The following SRPK2 variants were observed in gnomAD, a reference collection of about 807,000 sequenced individuals.
The protein encoded by SRPK2 is SFRS protein kinase 2.
SRPK2 carries 21 observed loss-of-function variants against 90.8 expected under a neutral mutation model. The ratio of observed to expected loss-of-function variants is 0.23; its 90% CI spans 0.16 to 0.33. The LOEUF (loss-of-function observed/expected upper bound fraction) is 0.33, where lower values mean the gene tolerates loss of function less well. Ranked by LOEUF, SRPK2 falls within the 10% of genes least tolerant of loss-of-function variation. The pLI, the probability that SRPK2 is intolerant of heterozygous loss-of-function variation, is 1.00. For synonymous variants in SRPK2, 288 were observed against 311.1 expected, an observed-to-expected ratio of 0.93 and a Z score of 0.78; for missense variants, 620 against 869.0, an observed-to-expected ratio of 0.71 and a Z score of 3.60.
At chr7:105,170,823 AAGAG>A (rs1185087238) in intron 3 of SRPK2, among the ~76,000 whole-genome samples, 1 of 75,110 alleles carries the variant, frequency 1.3e-5, no homozygotes, top group Non-Finnish European at 2.6e-5. Context: ...GAGGGAGAGA[AAGAG>A]AAAGAAAGGA....
At chr7:105,125,129 C>CAAAAAAAAA (rs61616576) in intron 15 of SRPK2, among the ~76,000 whole-genome samples, 2 of 88,090 alleles carry the variant, frequency 2.3e-5, no homozygotes, top group Non-Finnish European at 4.2e-5. Context: ...GACTCCATCT[C>CAAAAAAAAA]AAAAAAAAAA....
intron 2 of SRPK2, among the ~76,000 whole-genome samples, chr7:105,341,688 G>A (rs562581002): frequency 6.6e-6 from 1 of 152,234 alleles, no homozygotes; most frequent in African/African-American, 2.4e-5. Flanking sequence ...AAAAACAGGG[G>A]ACGGGAGTGG....
At chr7:105,125,640 G>A (rs1038805698) in intron 15 of SRPK2, 4 of 349,138 alleles carry the variant, frequency 1.1e-5, no homozygotes, top group South Asian at 2.3e-5. Flanking sequence ...GATGGGTCAG[G>A]TTTATTTCTT....
chr7:105,182,442 T>TCC (rs142053317), intron 3 of SRPK2, among the ~76,000 whole-genome samples: 63 of 136,912 alleles, frequency 4.6e-4, no homozygotes, highest in African/African-American at 1.6e-3. Flanking sequence ...TGACTTTGTT[T>TCC]CCCCCCCCGC....
chr7:105,312,805 A>C (rs945388527), intron 2 of SRPK2, among the ~76,000 whole-genome samples: 3 of 152,148 alleles, frequency 2.0e-5, no homozygotes, highest in Non-Finnish European at 2.9e-5. Context: ...ATATGGGAAT[A>C]TTTATCTTTT....
chr7:105,164,801 C>G (rs1438748428), intron 6 of SRPK2, among the ~76,000 whole-genome samples: 1 of 152,090 alleles, frequency 6.6e-6, no homozygotes, highest in Non-Finnish European at 1.5e-5. Flanking sequence ...TGGGAAAAAG[C>G]CTTATCCTTA....
intron 2 of SRPK2, among the ~76,000 whole-genome samples, chr7:105,381,850 A>T (rs1370917759): frequency 6.6e-6 from 1 of 152,162 alleles, no homozygotes; most frequent in Non-Finnish European, 1.5e-5. Flanking sequence ...ATAAGGATAT[A>T]AACTTGTATC....
At position 105,116,975 on chromosome 7, in the gene SRPK2, T is replaced by C. The variant is rs1181923306; in HGVS notation, c.*863A>G. The stretch of plus-strand genomic sequence containing the variant: ...CAATTTAATCTATGTAGAGCTTAAC[T>C]TACAGCGCCCAGAGGAGGCAACATG... On this transcript the variant is annotated 3_prime_UTR_variant, in exon 16 of 16. Transcript: ENST00000393651. 6 of 152,222 alleles carry C rather than the reference T, an allele frequency of 3.9e-5. No individual in the cohort carries two copies. The highest frequency in any genetic ancestry group is 1.4e-4 in the African/African-American group (6 of 41,464). The allele number at this position is 152,222 out of a possible 1,614,324, so 9.4% of individuals were successfully genotyped here.
At chr7:105,275,176 G>C (rs1372233425) in intron 2 of SRPK2, among the ~76,000 whole-genome samples, 2 of 152,154 alleles carry the variant, frequency 1.3e-5, no homozygotes, top group African/African-American at 4.8e-5. Flanking sequence ...ATGAGCCACA[G>C]CACCCAGCCA....
chr7:105,126,381 C>A, intron 14 of SRPK2, 41 bp from the exon 15 acceptor site: 3 of 1,424,380 alleles, frequency 2.1e-6, no homozygotes, highest in Non-Finnish European at 3.0e-6. Context: ...ATGGGAGGGG[C>A]AAAGGGAAGG....
chr7:105,230,198 A>C (rs1799251846), intron 2 of SRPK2, among the ~76,000 whole-genome samples: 1 of 152,246 alleles, frequency 6.6e-6, no homozygotes, highest in Non-Finnish European at 1.5e-5. Flanking sequence ...AGAAAGGTAC[A>C]AATGAGAATG....
chr7:105,149,100 G>A (rs1019302731), intron 7 of SRPK2, among the ~76,000 whole-genome samples: 1 of 152,202 alleles, frequency 6.6e-6, no homozygotes, highest in Non-Finnish European at 1.5e-5. Context: ...GGTCTGTGCT[G>A]AGATGGATTA....
At chr7:105,334,484 G>C (rs551380978) in intron 2 of SRPK2, among the ~76,000 whole-genome samples, 7 of 149,996 alleles carry the variant, frequency 4.7e-5, no homozygotes, top group Non-Finnish European at 8.9e-5. Context: ...GTCTCCCAAA[G>C]TGCTGGGATT....
chr7:105,257,637 G>T (rs1803515890), intron 2 of SRPK2, among the ~76,000 whole-genome samples: 1 of 152,016 alleles, frequency 6.6e-6, no homozygotes, highest in Non-Finnish European at 1.5e-5. Context: ...AGAGCATATG[G>T]CTCAGGCTTG....
chr7:105,174,364 G>C (rs1791566945), intron 3 of SRPK2, among the ~76,000 whole-genome samples: 1 of 152,118 alleles, frequency 6.6e-6, no homozygotes, highest in African/African-American at 2.4e-5. Context: ...TTAACCAGAA[G>C]TTCAGAACTC....
intron 2 of SRPK2, among the ~76,000 whole-genome samples, chr7:105,272,213 CA>C (rs1254225659): frequency 2.0e-5 from 3 of 151,618 alleles, no homozygotes; most frequent in East Asian, 3.9e-4. Flanking sequence ...CCAGTGAGTG[CA>C]AAAAAAAGTC....
At chr7:105,158,451 C>T (rs1806874701) in intron 7 of SRPK2, among the ~76,000 whole-genome samples, 1 of 152,106 alleles carries the variant, frequency 6.6e-6, no homozygotes, top group South Asian at 2.1e-4. Flanking sequence ...GATGGGGTTT[C>T]ACCATGCTGG....
chr7:105,377,368 G>A (rs1820421587), intron 2 of SRPK2, among the ~76,000 whole-genome samples: 1 of 151,986 alleles, frequency 6.6e-6, no homozygotes. Flanking sequence ...TGACCAAACA[G>A]CTCTTAAAGG....
chr7:105,241,700 T>C (rs1800837631), intron 2 of SRPK2, among the ~76,000 whole-genome samples: 1 of 152,194 alleles, frequency 6.6e-6, no homozygotes, highest in South Asian at 2.1e-4. Context: ...CAACAATCTA[T>C]TCCTTTACAG....
Sources: allele counts gnomAD v4.1 joint callset (sites outside exome capture counted in the v4.1 genomes callset), GRCh38; gene constraint gnomAD v4.1.1; transcripts MANE v1.5; gene names NCBI Gene and HGNC (gene_info 2026-07-23, HGNC 2026-07-21).